Variants in LMBRD2 observed in about 807,000 individuals in gnomAD.
The protein encoded by LMBRD2 is LMBR1 domain containing 2.
A neutral mutation model predicts 94.4 loss-of-function variants in LMBRD2; 55 were observed. That is an observed-to-expected ratio of 0.58 (90% CI 0.47 to 0.73). LMBRD2 has a LOEUF of 0.73. LMBRD2 is among the 30% of genes least tolerant of loss of function. The pLI, the probability that LMBRD2 is intolerant of heterozygous loss-of-function variation, is 0.00. For missense variants in LMBRD2, 640 were observed against 831.9 expected, an observed-to-expected ratio of 0.77 and a Z score of 2.84; for synonymous variants, 246 against 272.4, an observed-to-expected ratio of 0.90 and a Z score of 0.95.
chr5:36,115,070 G>T lies in LMBRD2; in HGVS notation c.1487C>A (p.Thr496Asn). The T allele has an allele frequency of 6.2e-7, 1 of 1,612,136 alleles. No individual in the cohort carries two copies. Among genetic ancestry groups the T allele is most frequent in the Non-Finnish European group, 8.5e-7 (1 of 1,178,982 alleles). ...PPLCLNFLGL[T>N]HMDSSISHKN... ...GTGAGAGATAGATGAATCCATATGG[G>T]TCAAACCCAAGAAATTAAGACATAA... Residue 496 changes from threonine to asparagine, a missense_variant, in exon 12 of 18, where the codon ACC (threonine) becomes AAC (asparagine). By Grantham distance (65) the Thr-to-Asn change is moderately conservative. Coordinates refer to ENST00000296603, the MANE Select transcript of LMBRD2 (RefSeq NM_001007527.2).
rs756179893 is a variant in LMBRD2 at position 36,143,196 on chromosome 5, G to A, written c.154C>T (p.Leu52=). Residue 52 remains leucine, a synonymous_variant, in exon 2 of 18, where the codon CTG becomes TTG. Coordinates refer to ENST00000296603, the MANE Select transcript of LMBRD2 (RefSeq NM_001007527.2). ...WYLCFLIVFI[L]PLDVSTTIYN... is the part of the protein sequence containing the mutation. ...CTTACCGTACTAACATCCAGAGGCAGTATGAAGACAATAAGAAAGCAGAGA... is the reference window on the plus strand; with the variant it reads ...CTTACCGTACTAACATCCAGAGGCAATATGAAGACAATAAGAAAGCAGAGA... 1 of 1,610,438 alleles carries A rather than the reference G, an allele frequency of 6.2e-7. No individual in the cohort carries two copies. Among genetic ancestry groups the A allele is most frequent in the South Asian group, 1.1e-5 (1 of 90,626 alleles).
chr5:36,150,830 T>C (rs1236161769), intron 1 of LMBRD2, among the ~76,000 whole-genome samples: 5 of 152,202 alleles, frequency 3.3e-5, no homozygotes, highest in Non-Finnish European at 7.3e-5. Flanking sequence ...AGGACCAAGC[T>C]TGAAACAAGC....
Position 36,103,339 on chromosome 5 carries a change from T to C in LMBRD2, c.*707A>G, listed in dbSNP as rs1743384914. 1 of 152,262 alleles carries C rather than the reference T, an allele frequency of 6.6e-6. No individual in the cohort carries two copies. Among genetic ancestry groups the C allele is most frequent in the South Asian group, 2.1e-4 (1 of 4,834 alleles). The allele number at this position is 152,262 out of a possible 1,614,324, so 9.4% of individuals were successfully genotyped here. A position where few individuals can be genotyped will look rare whatever the true frequency, so the allele number is the denominator to read the frequency against. Reference sequence around the variant, plus strand: ...GAAATGAAAATCTTTTATAAAGCAATACCAGAAGCATAAAAAAATCCAGTT... The same window carrying C: ...GAAATGAAAATCTTTTATAAAGCAACACCAGAAGCATAAAAAAATCCAGTT... On this transcript the variant is annotated 3_prime_UTR_variant, in exon 18 of 18. Coordinates refer to ENST00000296603, the MANE Select transcript of LMBRD2 (RefSeq NM_001007527.2).
At position 36,142,486 on chromosome 5, in the gene LMBRD2, T is replaced by A. The variant is rs775919573; in HGVS notation, c.272+16A>T. On this transcript the variant is annotated intron_variant, in intron 3 of 17. Coordinates refer to ENST00000296603, the MANE Select transcript of LMBRD2 (RefSeq NM_001007527.2). ...CCCCTACAATGTTTATATATTTTTT[T>A]TAAAAAAGGAAATACCTTGGAACAG... The A allele has an allele frequency of 2.1e-6, 3 of 1,454,714 alleles. No homozygotes were observed. Among genetic ancestry groups the A allele is most frequent in the African/African-American group, 1.4e-5 (1 of 72,048 alleles). The allele number at this position is 1,454,714 out of a possible 1,614,324, so 90.1% of individuals were successfully genotyped here.
In LMBRD2 at chr5:36,122,931, T is replaced by C. The variant is rs371285607; in HGVS notation, c.853A>G (p.Arg285Gly). The C allele has an allele frequency of 1.9e-6, 3 of 1,564,484 alleles. No individual in the cohort carries two copies. The highest frequency in any genetic ancestry group is 2.6e-6 in the Non-Finnish European group (3 of 1,163,362). The change falls in exon 8 of 18, where the codon AGG (arginine) becomes GGG (glycine). Residue 285 changes from arginine (R) to glycine (G), a missense_variant. This residue lies in a region of LMBRD2 where 457 missense variants were observed against 642.8 expected (regional missense o/e 0.71). Transcript: ENST00000296603. ...CPTEYQEKMG[R>G]NMDDYEDFDE... ...AAATCTTCATAATCATCCATGTTCC[T>C]ACCCATTTTTTCCTGATACTCTGTA...
chr5:36,122,419 C>T lies in LMBRD2; in HGVS notation c.981G>A (p.Trp327Ter), dbSNP rs752229654. ...VQRHRRTQVQ[W>*]QILLEQAFYL... is the part of the protein sequence containing the mutation. Reference sequence around the variant, plus strand: ...AAAATGCTTGTTCCAAAAGAATCTGCCATTGTACTTGAGTTCGACGGTGTC... The same window carrying T: ...AAAATGCTTGTTCCAAAAGAATCTGTCATTGTACTTGAGTTCGACGGTGTC... Residue 327 changes from tryptophan (W) to a stop codon, truncating the protein, a stop_gained, in exon 9 of 18, where the codon TGG becomes TGA. Coordinates refer to ENST00000296603, the MANE Select transcript of LMBRD2 (RefSeq NM_001007527.2). LOFTEE classifies it high-confidence loss of function. 6.2e-7 allele frequency: 1 copy of T among 1,613,232 alleles called. No individual in the cohort carries two copies. Among genetic ancestry groups the T allele is most frequent in the Non-Finnish European group, 8.5e-7 (1 of 1,179,726 alleles).
chr5:36,103,262 T>A lies in LMBRD2; in HGVS notation c.*784A>T, dbSNP rs1743383576. ...GCCTAGGATTTATCCTTGAATATCA[T>A]AATCAACATTTAAATCAATATGTTA... On this transcript the variant is annotated 3_prime_UTR_variant, in exon 18 of 18. Transcript: ENST00000296603. 6.6e-6 allele frequency: 1 copy of A among 152,272 alleles called. No individual in the cohort carries two copies. 9.4% of individuals were successfully genotyped at this position (152,272 alleles called of 1,614,324 possible). A position where few individuals can be genotyped will look rare whatever the true frequency, so the allele number is the denominator to read the frequency against.
chr5:36,122,621 G>C (rs1424860599), intron 8 of LMBRD2, among the ~76,000 whole-genome samples, 158 bp from the exon 9 acceptor site: 1 of 152,118 alleles, frequency 6.6e-6, no homozygotes, highest in African/African-American at 2.4e-5. Context: ...TGATGTAACA[G>C]TTTTATATAA....
intron 13 of LMBRD2, 122 bp from the exon 14 acceptor site, chr5:36,111,380 G>T: frequency 1.4e-6 from 1 of 714,368 alleles, no homozygotes; most frequent in Non-Finnish European, 2.5e-6. Flanking sequence ...TTATCATATA[G>T]TTATCTACTG....
chr5:36,144,231 T>C lies in LMBRD2; in HGVS notation c.-57-825A>G, dbSNP rs531922668. Reference sequence around the variant, plus strand: ...AGTCTCTATTTTAAAATTGAAAAATTTGATATCTCTCTATACTTAAAAAAA... The same window carrying C: ...AGTCTCTATTTTAAAATTGAAAAATCTGATATCTCTCTATACTTAAAAAAA... On this transcript the variant is annotated intron_variant, in intron 1 of 17. Coordinates refer to ENST00000296603, the MANE Select transcript of LMBRD2 (RefSeq NM_001007527.2). Among the ~76,000 whole-genome samples, 7 of 152,300 alleles carry C rather than the reference T, an allele frequency of 4.6e-5. No individual in the cohort carries two copies. The South Asian group carries it at 1.2e-3, about 27-fold the overall frequency.
intron 1 of LMBRD2, among the ~76,000 whole-genome samples, chr5:36,149,003 TG>T (rs1164183445): frequency 2.6e-5 from 4 of 152,238 alleles, no homozygotes; most frequent in Non-Finnish European, 4.4e-5. Context: ...AATATATGAC[TG>T]TACTCTACAT....
chr5:36,100,651 C>G lies in LMBRD2; in HGVS notation c.*3395G>C, dbSNP rs770366717. 8 of 152,008 alleles carry G rather than the reference C, an allele frequency of 5.3e-5. No individual in the cohort carries two copies. Among genetic ancestry groups the G allele is most frequent in the Non-Finnish European group, 8.8e-5 (6 of 67,960 alleles). The allele number at this position is 152,008 out of a possible 1,614,324, so 9.4% of individuals were successfully genotyped here. ...TCCATTACATTTGATGATTCAAGTA[C>G]GCTAAGATTTTTCAGGGACATATTT... On this transcript the variant is annotated 3_prime_UTR_variant, in exon 18 of 18. Coordinates refer to ENST00000296603, the MANE Select transcript of LMBRD2 (RefSeq NM_001007527.2).
chr5:36,134,163 T>C (rs1744217110), intron 6 of LMBRD2, among the ~76,000 whole-genome samples: 1 of 152,160 alleles, frequency 6.6e-6, no homozygotes, highest in South Asian at 2.1e-4. Context: ...ATCATGGGAA[T>C]GTTGAATATA....
chr5:36,122,352 G>A lies in LMBRD2; in HGVS notation c.1048C>T (p.Gln350Ter). 6.2e-7 allele frequency: 1 copy of A among 1,612,380 alleles called. No homozygotes were observed. The highest frequency in any genetic ancestry group is 8.5e-7 in the Non-Finnish European group (1 of 1,179,042). Residue 350 changes from glutamine (Q) to a stop codon, truncating the protein, a stop_gained, in exon 9 of 18, where the codon CAG becomes TAG. Coordinates refer to ENST00000296603, the MANE Select transcript of LMBRD2 (RefSeq NM_001007527.2). LOFTEE classifies it high-confidence loss of function. ...GGCGATTGAAAGGTGTGAACAAACTGATGAGTAGCACTAGTTTCATTTTTT... is the reference window on the plus strand; with the variant it reads ...GGCGATTGAAAGGTGTGAACAAACTAATGAGTAGCACTAGTTTCATTTTTT... ...VAKNETSATH[Q>*]FVHTFQSPEP...
intron 14 of LMBRD2, among the ~76,000 whole-genome samples, 153 bp downstream of exon 14, chr5:36,111,002 G>C (rs1743591270): frequency 6.6e-6 from 1 of 151,934 alleles, no homozygotes; most frequent in South Asian, 2.1e-4. Flanking sequence ...TGCTAGAAAG[G>C]CCATTGTACA....
At chr5:36,138,983 C>T (rs1579524748) in intron 4 of LMBRD2, among the ~76,000 whole-genome samples, 2 of 152,264 alleles carry the variant, frequency 1.3e-5, no homozygotes, top group South Asian at 2.1e-4. Context: ...GGGGACTGTG[C>T]ACTCCATGGA....
intron 5 of LMBRD2, among the ~76,000 whole-genome samples, chr5:36,136,802 T>C (rs572164713): frequency 6.6e-6 from 1 of 152,210 alleles, no homozygotes; most frequent in African/African-American, 2.4e-5. Flanking sequence ...CTAGCACTGC[T>C]GATCTATTCC....
At chr5:36,133,646 T>G (rs1744204987) in intron 6 of LMBRD2, among the ~76,000 whole-genome samples, 1 of 152,140 alleles carries the variant, frequency 6.6e-6, no homozygotes. Context: ...AGAGTTCTCC[T>G]GCTATCTATG....
chr5:36,125,734 G>T (rs114785849), intron 6 of LMBRD2, among the ~76,000 whole-genome samples: 1 of 152,132 alleles, frequency 6.6e-6, no homozygotes, highest in Admixed American at 6.5e-5. Flanking sequence ...TCCTGTCAAG[G>T]AATTTAGCTT....
Sources: allele counts gnomAD v4.1 joint callset (sites outside exome capture counted in the v4.1 genomes callset), GRCh38; gene constraint gnomAD v4.1.1; regional missense constraint gnomAD v4.1.1; transcripts MANE v1.5; gene names NCBI Gene and HGNC (gene_info 2026-07-23, HGNC 2026-07-21).